MACROD2: variants seen among roughly 807,000 people sequenced by gnomAD.
MACROD2 encodes mono-ADP ribosylhydrolase 2, also known as ADP-ribose glycohydrolase MACROD2.
Under a neutral mutation model 70.4 loss-of-function variants are expected in MACROD2, and 36 were observed. That is an observed-to-expected ratio of 0.51 (90% confidence interval 0.39 to 0.68). The LOEUF (loss-of-function observed/expected upper bound fraction) is 0.68, where lower values mean the gene tolerates loss of function less well. MACROD2 is among the 30% of genes least tolerant of loss of function. The pLI is 0.00. For missense variants in MACROD2, 496 were observed against 538.4 expected (o/e 0.92, Z 0.78); for synonymous variants, 172 against 178.8 (o/e 0.96, Z 0.30).
chr20:14,554,946 G>T (rs576258678), intron 4 of MACROD2, among the ~76,000 whole-genome samples: 2 of 151,742 alleles, frequency 1.3e-5, no homozygotes, highest in Admixed American at 6.6e-5. Flanking sequence ...TTAATATTTT[G>T]GGGAGACATA....
At chr20:15,399,921 TG>T (rs1481856159) in intron 6 of MACROD2, among the ~76,000 whole-genome samples, 2 of 152,204 alleles carry the variant, frequency 1.3e-5, no homozygotes, top group Non-Finnish European at 2.9e-5. Context: ...CTCTCTGCTA[TG>T]AGAGGGGTCA....
chr20:14,791,301 A>G (rs556546558), intron 5 of MACROD2, among the ~76,000 whole-genome samples: 15 of 152,248 alleles, frequency 9.9e-5, no homozygotes, highest in South Asian at 4.1e-4. Context: ...TCTGTGCTCC[A>G]ACGATCCCTG....
intron 13 of MACROD2, among the ~76,000 whole-genome samples, chr20:15,981,325 G>A (rs111299769): frequency 0.022 from 3,271 of 151,280 alleles, 107 homozygotes; most frequent in African/African-American, 0.077. Context: ...TTGCGGTATC[G>A]TTATACAGTT....
intron 5 of MACROD2, among the ~76,000 whole-genome samples, chr20:14,837,940 A>AAAAACAAAACAAAACAAAAC (rs142423143): frequency 6.6e-6 from 1 of 150,426 alleles, no homozygotes; most frequent in Non-Finnish European, 1.5e-5. Context: ...GGCACAGCCA[A>AAAAACAAAACAAAACAAAAC]AAAACAAAAC....
chr20:15,256,979 A>G (rs2146037245), intron 6 of MACROD2, among the ~76,000 whole-genome samples: 1 of 152,176 alleles, frequency 6.6e-6, no homozygotes, highest in East Asian at 1.9e-4. Context: ...CACACTAAAA[A>G]GTGTGTTTAA....
chr20:15,256,358 A>G (rs1423369996), intron 6 of MACROD2, among the ~76,000 whole-genome samples: 1 of 152,070 alleles, frequency 6.6e-6, no homozygotes, highest in Admixed American at 6.6e-5. Flanking sequence ...GCCTTGTTCT[A>G]GAGTTCTTGA....
intron 3 of MACROD2, among the ~76,000 whole-genome samples, chr20:14,341,315 A>G (rs114960961): frequency 6.6e-6 from 1 of 152,216 alleles, no homozygotes; most frequent in Admixed American, 6.5e-5. Flanking sequence ...AGCATTCTTC[A>G]TGAGAATAAA....
At chr20:15,782,746 G>C (rs1338328634) in intron 8 of MACROD2, among the ~76,000 whole-genome samples, 1 of 114,550 alleles carries the variant, frequency 8.7e-6, no homozygotes, top group Non-Finnish European at 2.0e-5. Context: ...AAAAGTTGTT[G>C]GTGACTGTAT....
intron 5 of MACROD2, among the ~76,000 whole-genome samples, chr20:15,175,455 G>T (rs1226727304): frequency 6.6e-6 from 1 of 151,914 alleles, no homozygotes; most frequent in Non-Finnish European, 1.5e-5. Flanking sequence ...TTTAAAAAAA[G>T]ATATGCATGG....
chr20:14,651,801 T>C (rs57235883), intron 4 of MACROD2, among the ~76,000 whole-genome samples: 5,210 of 152,278 alleles, frequency 0.034, 226 homozygotes, highest in African/African-American at 0.094. Flanking sequence ...CTGTGGGGAC[T>C]GCCGACCAGT....
At chr20:15,908,621 C>G (rs2065185026) in intron 10 of MACROD2, among the ~76,000 whole-genome samples, 1 of 152,188 alleles carries the variant, frequency 6.6e-6, no homozygotes, top group Non-Finnish European at 1.5e-5. Context: ...TACAGTCTTT[C>G]TTTATGCTTC....
intron 5 of MACROD2, among the ~76,000 whole-genome samples, chr20:14,957,321 T>C (rs1245183601): frequency 6.6e-6 from 1 of 152,206 alleles, no homozygotes; most frequent in East Asian, 1.9e-4. Flanking sequence ...ACTGTGTTTA[T>C]GTATATGTAA....
At chr20:14,730,782 T>TA (rs200051634) in intron 5 of MACROD2, among the ~76,000 whole-genome samples, 10 of 151,664 alleles carry the variant, frequency 6.6e-5, no homozygotes, top group Non-Finnish European at 1.2e-4. Context: ...CAAAAACAGA[T>TA]AAAAAAAATA....
intron 5 of MACROD2, among the ~76,000 whole-genome samples, chr20:14,801,701 C>A (rs908625011): frequency 1.3e-5 from 2 of 151,998 alleles, no homozygotes; most frequent in Non-Finnish European, 2.9e-5. Context: ...ATGGTGGTTA[C>A]TGTTTTGGCT....
intron 5 of MACROD2, among the ~76,000 whole-genome samples, chr20:15,001,258 A>G (rs1240075690): frequency 6.6e-6 from 1 of 152,124 alleles, no homozygotes; most frequent in Admixed American, 6.5e-5. Flanking sequence ...CACCTCTCAA[A>G]GTGATTTTGT....
chr20:14,439,318 A>T (rs2084094230), intron 3 of MACROD2, among the ~76,000 whole-genome samples: 1 of 152,086 alleles, frequency 6.6e-6, no homozygotes, highest in Non-Finnish European at 1.5e-5. Flanking sequence ...ATAATTTTAA[A>T]TCGGGCAGTG....
At chr20:14,553,906 T>C (rs1324560206) in intron 4 of MACROD2, among the ~76,000 whole-genome samples, 2 of 152,140 alleles carry the variant, frequency 1.3e-5, no homozygotes, top group African/African-American at 4.8e-5. Flanking sequence ...AGCATGGTTT[T>C]CCATTTATCA....
chr20:15,077,846 C>A (rs1350831368), intron 5 of MACROD2, among the ~76,000 whole-genome samples: 2 of 152,108 alleles, frequency 1.3e-5, no homozygotes, highest in African/African-American at 4.8e-5. Flanking sequence ...TAGCAGGGAG[C>A]CCACTGCAGC....
chr20:15,928,000 C>T (rs149775697), intron 10 of MACROD2, among the ~76,000 whole-genome samples: 5 of 152,304 alleles, frequency 3.3e-5, no homozygotes, highest in African/African-American at 1.2e-4. Flanking sequence ...CAACTGAATG[C>T]TGTATGATCC....
Sources: gnomAD v4.1 joint callset for allele counts (sites outside exome capture counted in the v4.1 genomes callset) on GRCh38, gnomAD v4.1.1 for gene constraint, MANE v1.5 for transcripts, NCBI Gene and HGNC (gene_info 2026-07-23, HGNC 2026-07-21) for gene names.